Variants in CNTNAP5 observed in about 807,000 individuals in gnomAD.
CNTNAP5 encodes contactin associated protein family member 5, also known as contactin-associated protein-like 5.
CNTNAP5 carries 72 observed loss-of-function variants against 150.2 expected under a neutral mutation model. That is an observed-to-expected ratio of 0.48 (90% CI 0.40 to 0.58). The LOEUF (loss-of-function observed/expected upper bound fraction) is 0.58, where lower values mean the gene tolerates loss of function less well. Among genes scored for constraint, CNTNAP5 ranks in the 20% least tolerant of loss-of-function variants. CNTNAP5 has a pLI of 0.00. For missense variants in CNTNAP5, 1,636 were observed against 1,626.2 expected, an observed-to-expected ratio of 1.01 and a Z score of -0.10; for synonymous variants, 672 against 619.8, an observed-to-expected ratio of 1.08 and a Z score of -1.25.
intron 1 of CNTNAP5, among the ~76,000 whole-genome samples, chr2:124,032,536 AAAG>A (rs1255025915): frequency 1.2e-4 from 19 of 152,190 alleles, no homozygotes; most frequent in Admixed American, 9.2e-4. Context: ...GACCTTAAAT[AAAG>A]AAGGATAGAT....
chr2:124,741,076 TG>T (rs1255943329), intron 13 of CNTNAP5, among the ~76,000 whole-genome samples: 1 of 152,176 alleles, frequency 6.6e-6, no homozygotes, highest in Non-Finnish European at 1.5e-5. Context: ...CTTTTACTCC[TG>T]CAACTTCAAA....
chr2:124,654,415 A>G (rs980910117), intron 13 of CNTNAP5, among the ~76,000 whole-genome samples: 9 of 152,164 alleles, frequency 5.9e-5, no homozygotes, highest in Non-Finnish European at 1.3e-4. Flanking sequence ...TGCCTAGTGA[A>G]CTGGAAAAAG....
intron 11 of CNTNAP5, among the ~76,000 whole-genome samples, chr2:124,608,884 T>C (rs1468896581): frequency 6.6e-6 from 1 of 150,806 alleles, no homozygotes; most frequent in Admixed American, 6.6e-5. Context: ...GGCGAGTTTG[T>C]AGTGAGCCAA....
intron 11 of CNTNAP5, among the ~76,000 whole-genome samples, chr2:124,605,496 G>C (rs775398627): frequency 1.3e-5 from 2 of 152,078 alleles, no homozygotes; most frequent in Non-Finnish European, 2.9e-5. Flanking sequence ...AAATTATCTT[G>C]TTTTCATTTT....
intron 13 of CNTNAP5, among the ~76,000 whole-genome samples, chr2:124,672,055 G>A (rs1257599603): frequency 2.0e-5 from 3 of 152,306 alleles, no homozygotes; most frequent in East Asian, 3.9e-4. Flanking sequence ...TTACACAAGA[G>A]AAATTTGTTT....
At chr2:124,784,364 A>C (rs895157627) in intron 17 of CNTNAP5, among the ~76,000 whole-genome samples, 2 of 152,212 alleles carry the variant, frequency 1.3e-5, no homozygotes, top group African/African-American at 4.8e-5. Context: ...AGGAACTGAG[A>C]TGCTTCTCTG....
intron 3 of CNTNAP5, among the ~76,000 whole-genome samples, chr2:124,304,918 G>A (rs1327392781): frequency 6.6e-6 from 1 of 151,964 alleles, no homozygotes; most frequent in Non-Finnish European, 1.5e-5. Context: ...CTAGGGACAG[G>A]TAATTGAGTT....
chr2:124,056,281 G>T (rs1015632122), intron 1 of CNTNAP5, among the ~76,000 whole-genome samples: 8 of 152,258 alleles, frequency 5.3e-5, no homozygotes, highest in African/African-American at 1.9e-4. Flanking sequence ...CTAGCCATGT[G>T]AACTTGGGCA....
chr2:124,156,322 A>G (rs997347046), intron 1 of CNTNAP5, among the ~76,000 whole-genome samples: 1 of 152,132 alleles, frequency 6.6e-6, no homozygotes, highest in African/African-American at 2.4e-5. Flanking sequence ...TATCACGCTG[A>G]TCTGTGGGGA....
chr2:124,414,168 C>CAACA (rs1691856546), intron 3 of CNTNAP5, among the ~76,000 whole-genome samples: 1 of 123,756 alleles, frequency 8.1e-6, no homozygotes, highest in Non-Finnish European at 1.7e-5. Context: ...TCTTGTTGTT[C>CAACA]ACATGTTACA....
chr2:124,844,936 T>G (rs1180491871), intron 19 of CNTNAP5, among the ~76,000 whole-genome samples: 1 of 152,088 alleles, frequency 6.6e-6, no homozygotes, highest in Non-Finnish European at 1.5e-5. Flanking sequence ...AGTGACAGTT[T>G]GATTTCCTCT....
intron 19 of CNTNAP5, among the ~76,000 whole-genome samples, chr2:124,805,175 C>T (rs775964615): frequency 7.9e-5 from 12 of 152,176 alleles, no homozygotes; most frequent in Middle Eastern, 3.4e-3. Context: ...TCTTGAAAAC[C>T]GGCTGTCTCT....
intron 3 of CNTNAP5, among the ~76,000 whole-genome samples, chr2:124,407,729 T>C (rs1225595337): frequency 1.3e-5 from 2 of 152,150 alleles, no homozygotes; most frequent in African/African-American, 4.8e-5. Context: ...GGGTTCTAGG[T>C]GTGGTGTTTA....
intron 10 of CNTNAP5, among the ~76,000 whole-genome samples, chr2:124,535,632 C>G (rs1342619562): frequency 2.1e-5 from 3 of 145,242 alleles, no homozygotes; most frequent in Non-Finnish European, 4.6e-5. Context: ...AAAAAATTAG[C>G]TGGGTGTGGT....
At chr2:124,861,200 T>A (rs966903451) in intron 19 of CNTNAP5, among the ~76,000 whole-genome samples, 1 of 152,048 alleles carries the variant, frequency 6.6e-6, no homozygotes, top group African/African-American at 2.4e-5. Context: ...CCTTATCATG[T>A]GTTTAAGTAC....
chr2:124,252,772 T>G (rs1452566682), intron 3 of CNTNAP5, among the ~76,000 whole-genome samples: 1 of 152,124 alleles, frequency 6.6e-6, no homozygotes, highest in African/African-American at 2.4e-5. Context: ...GCTAAAAGAC[T>G]TCAAAAGTAA....
At chr2:124,316,060 A>G (rs1419688821) in intron 3 of CNTNAP5, among the ~76,000 whole-genome samples, 2 of 152,228 alleles carry the variant, frequency 1.3e-5, no homozygotes, top group East Asian at 1.9e-4. Context: ...AGACTCCAAC[A>G]GAACCTCAAC....
chr2:124,401,949 T>C (rs1319526131), intron 3 of CNTNAP5, among the ~76,000 whole-genome samples: 1 of 152,126 alleles, frequency 6.6e-6, no homozygotes, highest in African/African-American at 2.4e-5. Context: ...CCCTGCAACC[T>C]TCACGGGTTT....
At chr2:124,107,053 G>A (rs1378941566) in intron 1 of CNTNAP5, among the ~76,000 whole-genome samples, 3 of 151,606 alleles carry the variant, frequency 2.0e-5, no homozygotes, top group Admixed American at 6.6e-5. Flanking sequence ...GGAGCTTTCA[G>A]GCATGTCTGA....
Sources: allele counts gnomAD v4.1 joint callset (sites outside exome capture counted in the v4.1 genomes callset), GRCh38; gene constraint gnomAD v4.1.1; transcripts MANE v1.5; gene names NCBI Gene and HGNC (gene_info 2026-07-23, HGNC 2026-07-21).